The following HS3ST4 variants were observed in gnomAD, a reference collection of about 807,000 sequenced individuals.
The protein encoded by HS3ST4 is heparan sulfate-glucosamine 3-sulfotransferase 4.
Under a neutral mutation model 29.2 loss-of-function variants are expected in HS3ST4, and 17 were observed. The observed-to-expected ratio is 0.58, with a 90% CI of 0.40 to 0.87. The LOEUF (loss-of-function observed/expected upper bound fraction) is 0.87, where lower values mean the gene tolerates loss of function less well. Among genes scored for constraint, HS3ST4 ranks in the 40% least tolerant of loss-of-function variants. HS3ST4 has a pLI of 0.00. For missense variants in HS3ST4, 627 were observed against 634.5 expected, an observed-to-expected ratio of 0.99 and a Z score of 0.13; for synonymous variants, 314 against 285.7, an observed-to-expected ratio of 1.10 and a Z score of -1.00.
intron 1 of HS3ST4, among the ~76,000 whole-genome samples, chr16:26,041,420 G>C (rs1361324736): frequency 6.6e-6 from 1 of 152,040 alleles, no homozygotes; most frequent in Non-Finnish European, 1.5e-5. Context: ...AGATTCCTTT[G>C]TTCCAGCCCT....
At chr16:25,786,895 T>A (rs1966858507) in intron 1 of HS3ST4, among the ~76,000 whole-genome samples, 1 of 152,206 alleles carries the variant, frequency 6.6e-6, no homozygotes, top group South Asian at 2.1e-4. Context: ...GTCAGCAGCA[T>A]GAATGGAAAA....
At chr16:25,741,031 AGTGTGTGTCTGTGT>A (rs144411124) in intron 1 of HS3ST4, among the ~76,000 whole-genome samples, 5,899 of 152,008 alleles carry the variant, frequency 0.039, 399 homozygotes, top group African/African-American at 0.14. Context: ...TACTACATAA[AGTGTGTGTCTGTGT>A]GTGTGTGTCT....
Position 25,915,248 on chromosome 16 carries a change from G to T in HS3ST4, c.735-220364G>T, listed in dbSNP as rs530442747. 3.3e-5 allele frequency among the ~76,000 whole-genome samples: 5 copies of T among 152,238 alleles called. 1 individual carries two copies. Among genetic ancestry groups the T allele is most frequent in the South Asian group, 4.1e-4 (2 of 4,824 alleles). ...TTCAGCAGCCCCCAAGACTCCGGGC[G>T]TGGGTTCCACCGCGGAGCATCTCCT... is the stretch of plus-strand genomic sequence containing the variant. On this transcript the variant is annotated intron_variant, in intron 1 of 1. Transcript: ENST00000331351.
intron 1 of HS3ST4, among the ~76,000 whole-genome samples, chr16:25,824,318 T>C (rs1036218350): frequency 6.6e-6 from 1 of 152,158 alleles, no homozygotes; most frequent in Non-Finnish European, 1.5e-5. Context: ...CACAGCACTC[T>C]CCCAGTTGCC....
At chr16:26,019,383 A>G (rs796117887) in intron 1 of HS3ST4, among the ~76,000 whole-genome samples, 3 of 152,328 alleles carry the variant, frequency 2.0e-5, no homozygotes, top group African/African-American at 4.8e-5. Flanking sequence ...TAAGCATACA[A>G]TATTCTTATT....
chr16:26,135,708 G>T lies in HS3ST4; in HGVS notation c.831G>T (p.Met277Ile), dbSNP rs764254636. 1 of 1,614,080 alleles carries T rather than the reference G, an allele frequency of 6.2e-7. No individual in the cohort carries two copies. The highest frequency in any genetic ancestry group is 8.5e-7 in the Non-Finnish European group (1 of 1,179,976). Reference sequence around the variant, plus strand: ...AGGCTCCCAAGCGCATTCACTCCATGGCCAAGGACATCAAACTGATTGTGG... The same window carrying T: ...AGGCTCCCAAGCGCATTCACTCCATTGCCAAGGACATCAAACTGATTGTGG... ...TNEAPKRIHSMAKDIKLIVVV... is the reference protein window; with the variant it reads ...TNEAPKRIHSIAKDIKLIVVV... The change falls in exon 2 of 2, where the codon ATG (methionine) becomes ATT (isoleucine). Residue 277 changes from methionine to isoleucine, a missense_variant. Physicochemically the swap from Met to Ile is conservative, Grantham distance 10. Coordinates refer to ENST00000331351, the MANE Select transcript of HS3ST4 (RefSeq NM_006040.3).
intron 1 of HS3ST4, among the ~76,000 whole-genome samples, chr16:26,030,158 G>A (rs563893327): frequency 4.6e-5 from 7 of 152,176 alleles, no homozygotes; most frequent in Non-Finnish European, 8.8e-5. Context: ...GAATAGACCA[G>A]CCTGCCTAGG....
At position 25,857,958 on chromosome 16, in the gene HS3ST4, T is replaced by C. The variant is rs1159138044; in HGVS notation, c.734+164807T>C. 5.4e-3 allele frequency among the ~76,000 whole-genome samples: 309 copies of C among 57,748 alleles called. 2 individuals carry two copies. Among genetic ancestry groups the C allele is most frequent in the African/African-American group, 0.026 (282 of 10,942 alleles). The allele number at this position is 57,748 out of a possible 152,430, so 37.9% of individuals were successfully genotyped here. A position where few individuals can be genotyped will look rare whatever the true frequency, so the allele number is the denominator to read the frequency against. On this transcript the variant is annotated intron_variant, in intron 1 of 1. Coordinates refer to ENST00000331351, the MANE Select transcript of HS3ST4 (RefSeq NM_006040.3). ...TTTCTTTCTTTCTTTCTTTCTTTCT[T>C]TCTTTCTTTCTTTCTCTTTTCTGTC...
At chr16:26,135,214 C>T (rs1417015492) in intron 1 of HS3ST4, among the ~76,000 whole-genome samples, 2 of 152,160 alleles carry the variant, frequency 1.3e-5, no homozygotes, top group Non-Finnish European at 2.9e-5. Flanking sequence ...ATGCCAGCTT[C>T]ATTGCTCAAT....
chr16:26,017,281 G>A (rs1969371256), intron 1 of HS3ST4, among the ~76,000 whole-genome samples: 1 of 152,194 alleles, frequency 6.6e-6, no homozygotes, highest in Middle Eastern at 3.2e-3. Flanking sequence ...TACTAACATG[G>A]TGATCTCTGT....
chr16:26,087,413 C>G lies in HS3ST4; in HGVS notation c.735-48199C>G, dbSNP rs1898802477. Among the ~76,000 whole-genome samples the G allele has an allele frequency of 2.0e-5, 3 of 152,180 alleles. No homozygotes were observed. In the South Asian group the frequency reaches 6.2e-4, roughly 31 times the overall value. ...AAGCTGGCATTGGGATTGGGATTCACCCAAGCCAAGGCCTCCTAATGGAAC... is the reference window on the plus strand; with the variant it reads ...AAGCTGGCATTGGGATTGGGATTCAGCCAAGCCAAGGCCTCCTAATGGAAC... On this transcript the variant is annotated intron_variant, in intron 1 of 1. Coordinates refer to ENST00000331351, the MANE Select transcript of HS3ST4 (RefSeq NM_006040.3).
At chr16:25,999,872 T>G (rs1427793198) in intron 1 of HS3ST4, among the ~76,000 whole-genome samples, 1 of 128,986 alleles carries the variant, frequency 7.8e-6, no homozygotes, top group Non-Finnish European at 1.6e-5. Context: ...TATTATATAT[T>G]TTATATATAT....
At position 25,805,694 on chromosome 16, in the gene HS3ST4, T is replaced by C. The variant is rs74014104; in HGVS notation, c.734+112543T>C. Among the ~76,000 whole-genome samples, 444 of 152,304 alleles carry C rather than the reference T, an allele frequency of 2.9e-3. 5 individuals are homozygous for C. Among genetic ancestry groups the C allele is most frequent in the African/African-American group, 0.01 (426 of 41,564 alleles). On this transcript the variant is annotated intron_variant, in intron 1 of 1. Coordinates refer to ENST00000331351, the MANE Select transcript of HS3ST4 (RefSeq NM_006040.3). ...TTCAATTTGCCTCAAATTACTTCTT[T>C]TTAAAAATTTTTTATTTTAATTTTA...
chr16:25,979,993 G>A (rs1002541094), intron 1 of HS3ST4, among the ~76,000 whole-genome samples: 1 of 152,004 alleles, frequency 6.6e-6, no homozygotes, highest in Non-Finnish European at 1.5e-5. Flanking sequence ...CAACCACTTC[G>A]GATCCTATCA....
intron 1 of HS3ST4, among the ~76,000 whole-genome samples, chr16:26,122,117 T>C (rs1318725957): frequency 7.2e-6 from 1 of 139,660 alleles, no homozygotes; most frequent in Non-Finnish European, 1.5e-5. Context: ...CCTGTGGACT[T>C]AAGAATTATT....
chr16:25,692,484 C>A lies in HS3ST4; in HGVS notation c.67C>A (p.Pro23Thr), dbSNP rs1189165076. 1.5e-6 allele frequency: 2 copies of A among 1,377,624 alleles called. No homozygotes were observed. The highest frequency in any genetic ancestry group is 1.9e-6 in the Non-Finnish European group (2 of 1,052,104). 85.3% of individuals were successfully genotyped at this position (1,377,624 alleles called of 1,614,324 possible). The change falls in exon 1 of 2, where the codon CCC becomes ACC. Residue 23 changes from proline to threonine, a missense_variant. Physicochemically the swap from Pro to Thr is conservative, Grantham distance 38. Around this residue, in one of 2 missense-constraint regions of HS3ST4, gnomAD observed 402 missense variants for 340.8 expected, o/e 1.18. Transcript: ENST00000331351. ...TCCACCTCTGGCCGCGCCGCCGCCGCCCGGCGCCTCTGCTAAGGGGCCGCC... is the reference window on the plus strand; with the variant it reads ...TCCACCTCTGGCCGCGCCGCCGCCGACCGGCGCCTCTGCTAAGGGGCCGCC... ...PPPPLAAPPP[P>T]GASAKGPPAR...
At chr16:25,843,224 C>T (rs1054042927) in intron 1 of HS3ST4, among the ~76,000 whole-genome samples, 3 of 151,766 alleles carry the variant, frequency 2.0e-5, no homozygotes, top group African/African-American at 7.3e-5. Flanking sequence ...TGTGTAGTCT[C>T]TGAAGCGGTT....
chr16:26,012,453 G>C (rs4787800), intron 1 of HS3ST4, among the ~76,000 whole-genome samples: 3,375 of 152,278 alleles, frequency 0.022, 124 homozygotes, highest in African/African-American at 0.074. Flanking sequence ...AAGATTTCCT[G>C]AAATTTGTAA....
At chr16:25,853,080 T>C (rs1967537918) in intron 1 of HS3ST4, among the ~76,000 whole-genome samples, 1 of 152,206 alleles carries the variant, frequency 6.6e-6, no homozygotes, top group Non-Finnish European at 1.5e-5. Context: ...CCAGCGTTAT[T>C]ATCAATGTAT....
Sources: gnomAD v4.1 joint callset for allele counts (sites outside exome capture counted in the v4.1 genomes callset) on GRCh38, gnomAD v4.1.1 for gene constraint, gnomAD v4.1.1 regional missense constraint, MANE v1.5 for transcripts, NCBI Gene and HGNC (gene_info 2026-07-23, HGNC 2026-07-21) for gene names.